The following OLA1 variants were observed in gnomAD, a reference collection of about 807,000 sequenced individuals.
The protein encoded by OLA1 is Obg like ATPase 1.
Under a neutral mutation model 48.4 loss-of-function variants are expected in OLA1, and 14 were observed. That is an observed-to-expected ratio of 0.29 (90% CI 0.19 to 0.45). The LOEUF is 0.45. OLA1 is among the 20% of genes least tolerant of loss of function. OLA1 has a pLI of 1.00. For synonymous variants in OLA1, 127 were observed against 150.4 expected, an observed-to-expected ratio of 0.84 and a Z score of 1.14; for missense variants, 325 against 467.1, an observed-to-expected ratio of 0.70 and a Z score of 2.80.
At chr2:174,199,048 C>T (rs1687936344) in intron 4 of OLA1, among the ~76,000 whole-genome samples, 1 of 151,704 alleles carries the variant, frequency 6.6e-6, no homozygotes, top group African/African-American at 2.4e-5. Flanking sequence ...TGTATCTCAA[C>T]CCTTGGGTAT....
At chr2:174,123,125 T>C (rs1444901590) in intron 7 of OLA1, 55 bp downstream of exon 7, 2 of 791,940 alleles carry the variant, frequency 2.5e-6, no homozygotes, top group Admixed American at 2.2e-5. Context: ...TGGGTGTGTG[T>C]TTGTGTGTGT....
Position 174,074,914 on chromosome 2 carries a change from C to A in OLA1, c.*512G>T. On this transcript the variant is annotated 3_prime_UTR_variant, in exon 11 of 11. Transcript: ENST00000284719. ...TGCCAGTTACTGTGTCATACACACG[C>A]CTTAAAATTCTGTAATCAGCAACCA... The A allele has an allele frequency of 6.5e-6, 1 of 154,334 alleles. No homozygotes were observed. 9.6% of individuals were successfully genotyped at this position (154,334 alleles called of 1,614,324 possible).
intron 5 of OLA1, among the ~76,000 whole-genome samples, chr2:174,136,422 C>A (rs1686310579): frequency 6.6e-6 from 1 of 152,196 alleles, no homozygotes; most frequent in Non-Finnish European, 1.5e-5. Context: ...TCTCAAGAAA[C>A]CACTTTCTTT....
rs145071902 is a variant in OLA1, at chr2:174,090,952, C to T, written c.729-8888G>A. 7.2e-5 allele frequency among the ~76,000 whole-genome samples: 11 copies of T among 152,350 alleles called. No individual in the cohort carries two copies. In the East Asian group the frequency reaches 2.1e-3, roughly 29 times the overall value. ...CCCATGTGGGCCAGAGCTATCACCACATTCCACTGTATACTATAATATTGC... is the reference window on the plus strand; with the variant it reads ...CCCATGTGGGCCAGAGCTATCACCATATTCCACTGTATACTATAATATTGC... On this transcript the variant is annotated intron_variant, in intron 7 of 10. Coordinates refer to ENST00000284719, the MANE Select transcript of OLA1 (RefSeq NM_013341.5).
At position 174,072,502 on chromosome 2, in the gene OLA1, G is replaced by C. The variant is rs1204219112; in HGVS notation, c.*2924C>G. ...AGTGTATTTTACAAGCTTAAAATAA[G>C]TTGAAATGAATTTTCCCAGCTAAAG... On this transcript the variant is annotated 3_prime_UTR_variant, in exon 11 of 11. Transcript: ENST00000284719. 1 of 152,186 alleles carries C rather than the reference G, an allele frequency of 6.6e-6. No individual in the cohort carries two copies. Among genetic ancestry groups the C allele is most frequent in the Non-Finnish European group, 1.5e-5 (1 of 68,028 alleles). 9.4% of individuals were successfully genotyped at this position (152,186 alleles called of 1,614,324 possible). A position where few individuals can be genotyped will look rare whatever the true frequency, so the allele number is the denominator to read the frequency against.
At chr2:174,102,204 G>C (rs1685413686) in intron 7 of OLA1, among the ~76,000 whole-genome samples, 1 of 151,988 alleles carries the variant, frequency 6.6e-6, no homozygotes, top group Non-Finnish European at 1.5e-5. Context: ...GGCCCCATCT[G>C]AATCAGAAAC....
chr2:174,213,123 A>G (rs1446640579), intron 4 of OLA1, among the ~76,000 whole-genome samples: 1 of 152,226 alleles, frequency 6.6e-6, no homozygotes, highest in Non-Finnish European at 1.5e-5. Context: ...ATACATGCAC[A>G]TGCAAACTTA....
intron 7 of OLA1, among the ~76,000 whole-genome samples, chr2:174,092,569 G>A (rs1685153981): frequency 6.6e-6 from 1 of 152,036 alleles, no homozygotes; most frequent in Admixed American, 6.5e-5. Context: ...GGCTGAGGTG[G>A]GAGGATCACC....
chr2:174,213,232 C>T (rs1005345756), intron 4 of OLA1, among the ~76,000 whole-genome samples: 3 of 152,104 alleles, frequency 2.0e-5, no homozygotes, highest in Non-Finnish European at 4.4e-5. Flanking sequence ...GTTTCTAAAC[C>T]GGGAAGAAAA....
intron 4 of OLA1, among the ~76,000 whole-genome samples, chr2:174,162,322 T>C (rs1018968618): frequency 3.3e-5 from 5 of 152,078 alleles, no homozygotes; most frequent in Non-Finnish European, 5.9e-5. Flanking sequence ...CATAATCAAA[T>C]GCAATGACCC....
chr2:174,177,551 C>T (rs1161884050), intron 4 of OLA1, among the ~76,000 whole-genome samples: 2 of 152,094 alleles, frequency 1.3e-5, no homozygotes, highest in Non-Finnish European at 2.9e-5. Context: ...TGAATATTGA[C>T]ATGCATCTCT....
intron 4 of OLA1, among the ~76,000 whole-genome samples, chr2:174,185,792 G>A (rs1402637238): frequency 6.6e-6 from 1 of 152,084 alleles, no homozygotes; most frequent in Non-Finnish European, 1.5e-5. Context: ...GCCAGGTGTG[G>A]TAGCACGTGC....
rs1684633053 is a variant in OLA1, at chr2:174,072,838, A to G, written c.*2588T>C. ...CAGAGGCTTCACTCATAACTAAGTT[A>G]GCGACAAAAACTATTTGTGCTTCCT... On this transcript the variant is annotated 3_prime_UTR_variant, in exon 11 of 11. Transcript: ENST00000284719. 2 of 152,268 alleles carry G rather than the reference A, an allele frequency of 1.3e-5. No homozygotes were observed. The highest frequency in any genetic ancestry group is 1.3e-4 in the Admixed American group (2 of 15,288). 9.4% of individuals were successfully genotyped at this position (152,268 alleles called of 1,614,324 possible).
intron 4 of OLA1, among the ~76,000 whole-genome samples, chr2:174,183,385 G>T (rs1687590274): frequency 6.6e-6 from 1 of 152,180 alleles, no homozygotes; most frequent in African/African-American, 2.4e-5. Flanking sequence ...GATATTTCAG[G>T]AAGTATGCAC....
chr2:174,099,759 C>CT (rs1685348535), intron 7 of OLA1, among the ~76,000 whole-genome samples: 1 of 152,136 alleles, frequency 6.6e-6, no homozygotes, highest in Admixed American at 6.5e-5. Flanking sequence ...GTTTCTCATA[C>CT]TTTAAGATTT....
chr2:174,242,799 C>T (rs1265055988), intron 2 of OLA1, among the ~76,000 whole-genome samples: 1 of 152,168 alleles, frequency 6.6e-6, no homozygotes. Flanking sequence ...CTCTAAGCCT[C>T]ACAACCACAA....
intron 7 of OLA1, among the ~76,000 whole-genome samples, chr2:174,089,672 C>T (rs145887052): frequency 4.6e-5 from 7 of 151,910 alleles, no homozygotes; most frequent in East Asian, 1.9e-4. Context: ...GAGGCCGAGG[C>T]GGGGGGATTG....
chr2:174,231,652 C>T (rs1054553603), intron 2 of OLA1, among the ~76,000 whole-genome samples: 1 of 152,130 alleles, frequency 6.6e-6, no homozygotes, highest in Non-Finnish European at 1.5e-5. Flanking sequence ...TACATACATT[C>T]AAACTAAACT....
At chr2:174,215,880 A>C (rs1000208749) in intron 4 of OLA1, among the ~76,000 whole-genome samples, 1 of 152,232 alleles carries the variant, frequency 6.6e-6, no homozygotes, top group African/African-American at 2.4e-5. Flanking sequence ...AAACACTGTG[A>C]GACATTAATC....
Sources: gnomAD v4.1 joint callset for allele counts (sites outside exome capture counted in the v4.1 genomes callset) on GRCh38, gnomAD v4.1.1 for gene constraint, MANE v1.5 for transcripts, NCBI Gene and HGNC (gene_info 2026-07-23, HGNC 2026-07-21) for gene names.